DHX57: variants seen among roughly 807,000 people sequenced by gnomAD.
The protein encoded by DHX57 is DExH-box helicase 57, also known as putative ATP-dependent RNA helicase DHX57.
DHX57 carries 105 observed loss-of-function variants against 156.2 expected under a neutral mutation model. The observed-to-expected ratio is 0.67, with a 90% confidence interval of 0.57 to 0.79. The LOEUF (loss-of-function observed/expected upper bound fraction) is 0.79. Ranked by LOEUF, DHX57 falls within the 30% of genes least tolerant of loss-of-function variation. DHX57 has a pLI of 0.00. For synonymous variants in DHX57, 704 were observed against 595.6 expected (o/e 1.18, Z -2.65); for missense variants, 1,847 against 1,661.9 (o/e 1.11, Z -1.94).
intron 1 of DHX57, 98 bp from the exon 2 acceptor site, chr2:38,868,509 C>G: frequency 8.0e-7 from 1 of 1,242,918 alleles, no homozygotes; most frequent in Admixed American, 2.2e-5. Context: ...TTTAAAGAAA[C>G]AAAGGAAAAT....
intron 16 of DHX57, among the ~76,000 whole-genome samples, chr2:38,824,768 C>T (rs1198635898): frequency 1.3e-5 from 2 of 152,150 alleles, no homozygotes; most frequent in African/African-American, 4.8e-5. Context: ...CTGCTTCAGC[C>T]TCCTAAGAAA....
rs34006142 is a variant in DHX57 at position 38,806,865 on chromosome 2, C to CTTT, written c.3682-175_3682-173dup. On this transcript the variant is annotated intron_variant, in intron 21 of 23. Coordinates refer to ENST00000457308, the MANE Select transcript of DHX57 (RefSeq NM_198963.3). The stretch of plus-strand genomic sequence containing the variant: ...CTTCTGAAAGCAGAACAAGCACATG[C>CTTT]TTTTTTTTTTTTTTTTCCACCAAGA... 3.8e-3 allele frequency among the ~76,000 whole-genome samples: 525 copies of CTTT among 137,150 alleles called. 1 individual carries two copies. The highest frequency in any genetic ancestry group is 0.013 in the African/African-American group (494 of 37,340). 90.0% of individuals were successfully genotyped at this position (137,150 alleles called of 152,430 possible). A position where few individuals can be genotyped will look rare whatever the true frequency, so the allele number is the denominator to read the frequency against.
At chr2:38,849,729 G>C (rs959483208) in intron 9 of DHX57, among the ~76,000 whole-genome samples, 2 of 152,002 alleles carry the variant, frequency 1.3e-5, no homozygotes, top group African/African-American at 2.4e-5. Flanking sequence ...TGCCGTCTTT[G>C]AGGCATGCAC....
intron 22 of DHX57, among the ~76,000 whole-genome samples, chr2:38,805,575 A>G (rs1669897756): frequency 6.6e-6 from 1 of 152,122 alleles, no homozygotes; most frequent in Admixed American, 6.6e-5. Context: ...ATAAAAGGCA[A>G]ATCTTAGAGA....
chr2:38,805,342 G>T (rs1176953064), intron 22 of DHX57, among the ~76,000 whole-genome samples: 1 of 152,138 alleles, frequency 6.6e-6, no homozygotes, highest in Non-Finnish European at 1.5e-5. Flanking sequence ...TGGTGACAAG[G>T]TATAGGAAGG....
intron 20 of DHX57, among the ~76,000 whole-genome samples, chr2:38,814,229 C>T (rs1344023882): frequency 1.3e-5 from 2 of 152,122 alleles, no homozygotes; most frequent in East Asian, 1.9e-4. Context: ...TGAGCCACTG[C>T]GTCTGGCTCT....
chr2:38,804,127 T>G (rs1483687847), intron 22 of DHX57, among the ~76,000 whole-genome samples: 1 of 152,090 alleles, frequency 6.6e-6, no homozygotes, highest in African/African-American at 2.4e-5. Context: ...CCTTCTAGAG[T>G]GCTGTCCCCA....
chr2:38,833,773 G>T (rs1397084215), intron 13 of DHX57, among the ~76,000 whole-genome samples: 1 of 151,706 alleles, frequency 6.6e-6, no homozygotes, highest in East Asian at 1.9e-4. Context: ...GAATATATTG[G>T]AAAATTTTTG....
intron 11 of DHX57, among the ~76,000 whole-genome samples, chr2:38,846,448 C>A (rs1439738042): frequency 6.6e-6 from 1 of 151,228 alleles, no homozygotes; most frequent in African/African-American, 2.4e-5. Flanking sequence ...TAATGAGACC[C>A]GTCTCTACAA....
chr2:38,858,808 T>C lies in DHX57; in HGVS notation c.1440A>G (p.Ser480=). 3 of 1,612,488 alleles carry C rather than the reference T, an allele frequency of 1.9e-6. No homozygotes were observed. The highest frequency in any genetic ancestry group is 2.5e-6 in the Non-Finnish European group (3 of 1,179,668). Residue 480 remains serine (S), a synonymous_variant, in exon 6 of 24, where the codon TCA becomes TCG. Transcript: ENST00000457308. ...CAGGTGCAGGACCGTCATCCTCATC[T>C]GACTCCTCAGATTCTGATGCTTTTT... is the stretch of plus-strand genomic sequence containing the variant. The part of the protein sequence containing the change: ...EVEKASESEE[S]DEDDGPAPVI...
chr2:38,832,691 G>A (rs1056931494), intron 13 of DHX57, among the ~76,000 whole-genome samples: 4 of 151,198 alleles, frequency 2.6e-5, no homozygotes, highest in African/African-American at 9.7e-5. Context: ...GATTACAGGT[G>A]CCCATCACCA....
chr2:38,803,454 C>A (rs1276564170), intron 22 of DHX57, among the ~76,000 whole-genome samples: 1 of 151,806 alleles, frequency 6.6e-6, no homozygotes, highest in Non-Finnish European at 1.5e-5. Context: ...TTACAAAATG[C>A]CTTGACATAT....
chr2:38,798,486 C>A, intron 23 of DHX57, 44 bp from the exon 24 acceptor site: 2 of 1,559,502 alleles, frequency 1.3e-6, no homozygotes, highest in Non-Finnish European at 1.7e-6. Flanking sequence ...GAGGAACAGG[C>A]AGGATAGGTT....
intron 10 of DHX57, among the ~76,000 whole-genome samples, chr2:38,847,576 C>G (rs1290906359): frequency 6.6e-6 from 1 of 152,042 alleles, no homozygotes; most frequent in Admixed American, 6.6e-5. Flanking sequence ...GTGGAAGTGC[C>G]CAAAGAAAAC....
intron 19 of DHX57, chr2:38,815,888 T>A (rs949004117): frequency 5.2e-5 from 29 of 552,432 alleles, no homozygotes; most frequent in African/African-American, 4.9e-4. Context: ...AAAAATTCAA[T>A]AAATCCAAGG....
At position 38,798,249 on chromosome 2, in the gene DHX57, C is replaced by T; in HGVS notation, c.*50G>A. ...GAGGTAGAGGTTCTGCTGTTATTTCCCAGGTGAGCTAGAAGCAGGTGAGTA... is the reference window on the plus strand; with the variant it reads ...GAGGTAGAGGTTCTGCTGTTATTTCTCAGGTGAGCTAGAAGCAGGTGAGTA... On this transcript the variant is annotated 3_prime_UTR_variant, in exon 24 of 24. Coordinates refer to ENST00000457308, the MANE Select transcript of DHX57 (RefSeq NM_198963.3). The T allele has an allele frequency of 6.4e-7, 1 of 1,571,388 alleles. No homozygotes were observed. The highest frequency in any genetic ancestry group is 8.6e-7 in the Non-Finnish European group (1 of 1,160,552).
At chr2:38,848,491 G>A (rs1672408117) in intron 9 of DHX57, 89 bp from the exon 10 acceptor site, 1 of 1,307,954 alleles carries the variant, frequency 7.6e-7, no homozygotes, top group Non-Finnish European at 1.0e-6. Context: ...CAAGAAATGT[G>A]TAAGATCTCT....
At chr2:38,828,853 T>C (rs1671239706) in intron 13 of DHX57, among the ~76,000 whole-genome samples, 1 of 152,240 alleles carries the variant, frequency 6.6e-6, no homozygotes, top group Admixed American at 6.5e-5. Context: ...TGGAGATTTA[T>C]CTTTCTATAA....
intron 9 of DHX57, among the ~76,000 whole-genome samples, chr2:38,852,757 A>T (rs947290201): frequency 1.3e-5 from 2 of 151,446 alleles, no homozygotes; most frequent in African/African-American, 4.9e-5. Context: ...TGGAACTACA[A>T]GCATGCACCA....
Sources: allele counts gnomAD v4.1 joint callset (sites outside exome capture counted in the v4.1 genomes callset), GRCh38; gene constraint gnomAD v4.1.1; transcripts MANE v1.5; gene names NCBI Gene and HGNC (gene_info 2026-07-23, HGNC 2026-07-21).